The following KCTD8 variants were observed in gnomAD, a reference collection of about 807,000 sequenced individuals.
KCTD8 encodes the protein potassium channel tetramerization domain containing 8.
In KCTD8, 27 loss-of-function variants were observed where a neutral mutation model predicts 31.5. That is an observed-to-expected ratio of 0.86 (90% CI 0.63 to 1.18). The LOEUF (loss-of-function observed/expected upper bound fraction) is 1.18, where lower values mean the gene tolerates loss of function less well. Among genes scored for constraint, KCTD8 ranks in the 50% most tolerant of loss-of-function variants. The probability of loss-of-function intolerance (pLI) is 0.00; values close to 1 mark genes in which losing one functional copy is unlikely to be tolerated. For synonymous variants in KCTD8, 290 were observed against 280.0 expected (o/e 1.04, Z -0.36); for missense variants, 658 against 647.7 (o/e 1.02, Z -0.17).
At chr4:44,267,403 A>C (rs1716414324) in intron 1 of KCTD8, among the ~76,000 whole-genome samples, 1 of 152,222 alleles carries the variant, frequency 6.6e-6, no homozygotes, top group Admixed American at 6.5e-5. Context: ...CAGTGTGTAG[A>C]GGGAAATTTA....
At chr4:44,422,420 T>C (rs1306170398) in intron 1 of KCTD8, among the ~76,000 whole-genome samples, 2 of 152,076 alleles carry the variant, frequency 1.3e-5, no homozygotes, top group Admixed American at 6.6e-5. Context: ...AGAATCTATA[T>C]TAGAATTCCT....
At chr4:44,196,859 T>A (rs1713957244) in intron 1 of KCTD8, among the ~76,000 whole-genome samples, 1 of 152,104 alleles carries the variant, frequency 6.6e-6, no homozygotes, top group Non-Finnish European at 1.5e-5. Context: ...ATCCCACAGG[T>A]CTGGATCCCT....
At chr4:44,190,251 C>T (rs954113270) in intron 1 of KCTD8, among the ~76,000 whole-genome samples, 1 of 152,208 alleles carries the variant, frequency 6.6e-6, no homozygotes, top group South Asian at 2.1e-4. Context: ...CTTTCCTCCC[C>T]CTAGTTCCAG....
At chr4:44,366,803 A>G (rs928445307) in intron 1 of KCTD8, among the ~76,000 whole-genome samples, 2 of 152,086 alleles carry the variant, frequency 1.3e-5, no homozygotes, top group African/African-American at 4.8e-5. Flanking sequence ...TGTCATTTGT[A>G]TAGTCCTAGA....
chr4:44,281,462 A>G (rs1716903729), intron 1 of KCTD8, among the ~76,000 whole-genome samples: 2 of 152,064 alleles, frequency 1.3e-5, no homozygotes, highest in Non-Finnish European at 1.5e-5. Context: ...CTTGCTTCCA[A>G]CAAATTCTTC....
intron 1 of KCTD8, among the ~76,000 whole-genome samples, chr4:44,202,270 T>C (rs1463057595): frequency 1.3e-5 from 2 of 152,086 alleles, no homozygotes; most frequent in African/African-American, 4.8e-5. Context: ...TCCCATTAAA[T>C]CTAAAAGTTC....
intron 1 of KCTD8, among the ~76,000 whole-genome samples, chr4:44,365,928 T>C (rs1216727028): frequency 2.6e-5 from 4 of 152,154 alleles, no homozygotes; most frequent in African/African-American, 4.8e-5. Context: ...TGGATTACTA[T>C]GCAATCATCA....
chr4:44,321,683 G>C (rs146036580), intron 1 of KCTD8, among the ~76,000 whole-genome samples: 1,751 of 152,092 alleles, frequency 0.012, 39 homozygotes, highest in African/African-American at 0.04. Context: ...CTGTACTATT[G>C]AATACTAGAA....
chr4:44,216,277 C>T (rs1314455245), intron 1 of KCTD8, among the ~76,000 whole-genome samples: 1 of 152,054 alleles, frequency 6.6e-6, no homozygotes, highest in Admixed American at 6.6e-5. Flanking sequence ...GGTTTTCCAC[C>T]TTTTACCACT....
At chr4:44,247,278 T>C (rs536193172) in intron 1 of KCTD8, among the ~76,000 whole-genome samples, 15 of 152,046 alleles carry the variant, frequency 9.9e-5, no homozygotes, top group Non-Finnish European at 1.9e-4. Context: ...AAAAGCATCT[T>C]AGAACCATTT....
intron 1 of KCTD8, among the ~76,000 whole-genome samples, chr4:44,260,705 C>T (rs568462922): frequency 6.6e-6 from 1 of 151,954 alleles, no homozygotes; most frequent in Non-Finnish European, 1.5e-5. Context: ...ATCAAGGTGG[C>T]TGGAGTTAAG....
At chr4:44,371,731 T>A (rs1290783075) in intron 1 of KCTD8, among the ~76,000 whole-genome samples, 1 of 152,232 alleles carries the variant, frequency 6.6e-6, no homozygotes, top group Non-Finnish European at 1.5e-5. Context: ...ACAACCCTGC[T>A]GCACATCAGT....
chr4:44,208,195 T>A (rs1714374076), intron 1 of KCTD8, among the ~76,000 whole-genome samples: 1 of 152,206 alleles, frequency 6.6e-6, no homozygotes, highest in Admixed American at 6.5e-5. Context: ...CTACTATTCT[T>A]TTCCATTGTT....
At chr4:44,224,502 G>C (rs531342930) in intron 1 of KCTD8, among the ~76,000 whole-genome samples, 1 of 151,672 alleles carries the variant, frequency 6.6e-6, no homozygotes, top group Admixed American at 6.6e-5. Context: ...GATAATGTCA[G>C]ACAATCTCTA....
intron 1 of KCTD8, among the ~76,000 whole-genome samples, chr4:44,233,099 A>G (rs1421138166): frequency 2.0e-5 from 3 of 151,978 alleles, no homozygotes; most frequent in African/African-American, 4.8e-5. Flanking sequence ...TTCTTTTTAA[A>G]TTTTTTGTTT....
intron 1 of KCTD8, among the ~76,000 whole-genome samples, chr4:44,206,466 T>A (rs1560394547): frequency 6.6e-6 from 1 of 152,166 alleles, no homozygotes; most frequent in Non-Finnish European, 1.5e-5. Context: ...AAGCTTTTGC[T>A]CATTAAATAT....
chr4:44,394,960 G>A (rs778478331), intron 1 of KCTD8, among the ~76,000 whole-genome samples: 5 of 152,168 alleles, frequency 3.3e-5, no homozygotes, highest in African/African-American at 4.8e-5. Flanking sequence ...ATGGTCCTTC[G>A]TGTTCTCAAG....
chr4:44,281,184 T>C (rs965710076), intron 1 of KCTD8, among the ~76,000 whole-genome samples: 1 of 152,054 alleles, frequency 6.6e-6, no homozygotes, highest in African/African-American at 2.4e-5. Context: ...TTCAAAACTA[T>C]GCAAAACTCT....
intron 1 of KCTD8, among the ~76,000 whole-genome samples, chr4:44,416,770 A>G (rs1721088190): frequency 6.6e-6 from 1 of 152,184 alleles, no homozygotes. Context: ...TAGCCTGCAG[A>G]ACCATGAACC....
Sources: gnomAD v4.1 joint callset for allele counts (sites outside exome capture counted in the v4.1 genomes callset) on GRCh38, gnomAD v4.1.1 for gene constraint, MANE v1.5 for transcripts, NCBI Gene and HGNC (gene_info 2026-07-23, HGNC 2026-07-21) for gene names.